PRKAR1B: variants seen among roughly 807,000 people sequenced by gnomAD.
PRKAR1B encodes the protein cAMP-dependent protein kinase type I-beta regulatory subunit.
PRKAR1B carries 22 observed loss-of-function variants against 46.5 expected under a neutral mutation model. The ratio of observed to expected loss-of-function variants is 0.47; its 90% CI spans 0.34 to 0.68. The LOEUF (loss-of-function observed/expected upper bound fraction) is 0.68, where lower values mean the gene tolerates loss of function less well. Ranked by LOEUF, PRKAR1B falls within the 30% of genes least tolerant of loss-of-function variation. PRKAR1B has a pLI of 0.01. For synonymous variants in PRKAR1B, 259 were observed against 217.7 expected (o/e 1.19, Z -1.67); for missense variants, 445 against 535.6 (o/e 0.83, Z 1.67).
At chr7:620,567 T>G (rs1476370766) in intron 4 of PRKAR1B, among the ~76,000 whole-genome samples, 2 of 152,226 alleles carry the variant, frequency 1.3e-5, no homozygotes, top group African/African-American at 4.8e-5. Flanking sequence ...GAATCCGTAT[T>G]TTTAAATTTT....
At chr7:632,686 C>T (rs894597829) in intron 4 of PRKAR1B, among the ~76,000 whole-genome samples, 1 of 152,214 alleles carries the variant, frequency 6.6e-6, no homozygotes, top group South Asian at 2.1e-4. Flanking sequence ...GAGCTCACTC[C>T]GGTTCATCCT....
intron 4 of PRKAR1B, among the ~76,000 whole-genome samples, chr7:633,832 G>T (rs1300700873): frequency 6.6e-6 from 1 of 152,120 alleles, no homozygotes; most frequent in African/African-American, 2.4e-5. Context: ...AAGTAAGGAG[G>T]CTGTGTGTAA....
rs537219457 is a variant in PRKAR1B, at chr7:664,676, A to G, written c.440+12553T>C. On this transcript the variant is annotated intron_variant, in intron 4 of 10. Coordinates refer to ENST00000537384, the MANE Select transcript of PRKAR1B (RefSeq NM_001164760.2). ...GCAATCCCAACACTATGGGAGGCTG[A>G]GGCCAGAGGATCGCTTGAGCCCAGG... 8.9e-4 allele frequency among the ~76,000 whole-genome samples: 135 copies of G among 152,208 alleles called. 2 individuals carry two copies. In the South Asian group the frequency reaches 0.026, roughly 29 times the overall value.
intron 4 of PRKAR1B, among the ~76,000 whole-genome samples, chr7:676,197 A>C (rs1786571129): frequency 6.6e-6 from 1 of 152,088 alleles, no homozygotes; most frequent in Non-Finnish European, 1.5e-5. Flanking sequence ...TCAGATGGAG[A>C]CATTTTTGCT....
chr7:677,418 A>G, intron 3 of PRKAR1B, 98 bp from the exon 4 acceptor site: 1 of 979,462 alleles, frequency 1.0e-6, no homozygotes, highest in Non-Finnish European at 1.6e-6. Context: ...TGCTGTTATC[A>G]GGCAATGGTA....
At chr7:620,504 TTCTC>T (rs1308375496) in intron 4 of PRKAR1B, among the ~76,000 whole-genome samples, 2 of 152,224 alleles carry the variant, frequency 1.3e-5, no homozygotes, top group Admixed American at 6.5e-5. Context: ...GCTCTTTTTT[TTCTC>T]TCTTTCTTTC....
chr7:617,827 C>G (rs959535936), intron 4 of PRKAR1B, among the ~76,000 whole-genome samples: 1 of 152,190 alleles, frequency 6.6e-6, no homozygotes, highest in Non-Finnish European at 1.5e-5. Context: ...TCCTGGGCCC[C>G]GCGTAGCACT....
intron 7 of PRKAR1B, among the ~76,000 whole-genome samples, chr7:588,651 G>T (rs111210967): frequency 0.044 from 885 of 20,218 alleles, 2 homozygotes; most frequent in South Asian, 0.17. Flanking sequence ...GGTGGTGATG[G>T]TGGTGAGGAT....
intron 7 of PRKAR1B, among the ~76,000 whole-genome samples, chr7:595,255 C>T (rs1213339226): frequency 2.0e-5 from 3 of 152,204 alleles, no homozygotes; most frequent in Non-Finnish European, 2.9e-5. Flanking sequence ...GGCACCCGGG[C>T]GTCCTGCCCT....
chr7:639,291 T>C (rs1440271410), intron 4 of PRKAR1B, among the ~76,000 whole-genome samples: 1 of 152,124 alleles, frequency 6.6e-6, no homozygotes, highest in African/African-American at 2.4e-5. Flanking sequence ...ACATTTGTGG[T>C]CAACTGATTT....
chr7:701,139 G>C (rs913640389), intron 2 of PRKAR1B, among the ~76,000 whole-genome samples: 4 of 151,204 alleles, frequency 2.6e-5, no homozygotes, highest in Non-Finnish European at 5.9e-5. Flanking sequence ...AGTAAGCCGA[G>C]ATCGCACCAC....
intron 8 of PRKAR1B, among the ~76,000 whole-genome samples, chr7:581,039 C>T (rs948835387): frequency 5.9e-5 from 9 of 152,168 alleles, no homozygotes; most frequent in Admixed American, 4.6e-4. Flanking sequence ...CGCGGTGGCT[C>T]ACGCCTGTAA....
chr7:587,692 G>A (rs1780676827), intron 7 of PRKAR1B, among the ~76,000 whole-genome samples: 2 of 152,246 alleles, frequency 1.3e-5, no homozygotes, highest in Non-Finnish European at 2.9e-5. Context: ...CACCGAGTGA[G>A]CATAGGGGAG....
chr7:628,788 C>G (rs1423590063), intron 4 of PRKAR1B, among the ~76,000 whole-genome samples: 1 of 152,086 alleles, frequency 6.6e-6, no homozygotes, highest in Non-Finnish European at 1.5e-5. Flanking sequence ...CCTCCCTCGC[C>G]TTTTCCAAGA....
intron 4 of PRKAR1B, among the ~76,000 whole-genome samples, chr7:630,545 A>G (rs1208619690): frequency 1.3e-5 from 2 of 152,106 alleles, no homozygotes; most frequent in Non-Finnish European, 2.9e-5. Flanking sequence ...TGATTTTGTT[A>G]TTATTGTTTT....
intron 7 of PRKAR1B, among the ~76,000 whole-genome samples, chr7:594,419 G>A (rs1239297795): frequency 6.6e-6 from 1 of 152,140 alleles, no homozygotes; most frequent in Non-Finnish European, 1.5e-5. Flanking sequence ...CGCTGTCCGG[G>A]GCTGCATTGG....
rs1554300349 is a variant in PRKAR1B at position 667,153 on chromosome 7, T to TGATG, written c.440+10075_440+10076insCATC. On this transcript the variant is annotated intron_variant, in intron 4 of 10. Transcript: ENST00000537384. The surrounding 1 kb of genome is among the most constrained non-coding windows in gnomAD (Gnocchi z 4.3). Reference sequence around the variant, plus strand: ...ATGAGGATGGTGGTGGTGATGGTGATGATAATGATGGTGATGATGACAGTG... The same window carrying TGATG: ...ATGAGGATGGTGGTGGTGATGGTGATGATGGATAATGATGGTGATGATGACAGTG... Among the ~76,000 whole-genome samples the TGATG allele has an allele frequency of 4.0e-5, 6 of 150,050 alleles. No homozygotes were observed. The highest frequency in any genetic ancestry group is 1.5e-4 in the African/African-American group (6 of 41,100).
intron 4 of PRKAR1B, among the ~76,000 whole-genome samples, chr7:649,351 G>A (rs550790912): frequency 5.9e-5 from 9 of 152,180 alleles, no homozygotes; most frequent in Admixed American, 1.3e-4. Flanking sequence ...TAAAAGACGC[G>A]TTGAATGTTT....
At chr7:551,845 C>G (rs896199194) in intron 9 of PRKAR1B, among the ~76,000 whole-genome samples, 1 of 140,142 alleles carries the variant, frequency 7.1e-6, no homozygotes, top group Non-Finnish European at 1.5e-5. Flanking sequence ...TCTCCCAGAG[C>G]CACTGCCACC....
Sources: gnomAD v4.1 joint callset for allele counts (sites outside exome capture counted in the v4.1 genomes callset) on GRCh38, gnomAD v4.1.1 for gene constraint, Gnocchi (gnomAD v3.1) non-coding constraint, MANE v1.5 for transcripts, NCBI Gene and HGNC (gene_info 2026-07-23, HGNC 2026-07-21) for gene names.